The following COL21A1 variants were observed in gnomAD, a reference collection of about 807,000 sequenced individuals.
COL21A1 encodes collagen type XXI alpha 1 chain.
COL21A1 carries 149 observed loss-of-function variants against 137.9 expected under a neutral mutation model. That is an observed-to-expected ratio of 1.08 (90% CI 0.95 to 1.24). COL21A1 has a LOEUF of 1.24. Among genes scored for constraint, COL21A1 ranks in the 50% most tolerant of loss-of-function variants. The probability of loss-of-function intolerance (pLI) is 0.00; values close to 1 mark genes in which losing one functional copy is unlikely to be tolerated. For synonymous variants in COL21A1, 456 were observed against 391.5 expected (o/e 1.16, Z -1.95); for missense variants, 1,167 against 1,158.4 (o/e 1.01, Z -0.11).
intron 1 of COL21A1, among the ~76,000 whole-genome samples, chr6:56,329,316 A>G (rs1562059365): frequency 6.6e-6 from 1 of 151,948 alleles, no homozygotes. Flanking sequence ...TCCTTTTATC[A>G]CTGGTTCCCT....
intron 1 of COL21A1, among the ~76,000 whole-genome samples, chr6:56,283,223 A>G (rs1355795190): frequency 3.4e-5 from 5 of 145,892 alleles, no homozygotes; most frequent in African/African-American, 1.2e-4. Context: ...TCAGTGTAGC[A>G]TTATTTGTAA....
At chr6:56,125,445 C>T (rs540290763) in intron 14 of COL21A1, 122 bp downstream of exon 14, 4 of 557,736 alleles carry the variant, frequency 7.2e-6, no homozygotes, top group Non-Finnish European at 1.2e-5. Context: ...CTGAATTAAT[C>T]CCCTAAGAAG....
intron 1 of COL21A1, among the ~76,000 whole-genome samples, chr6:56,333,376 G>A (rs574417123): frequency 1.5e-4 from 20 of 137,884 alleles, no homozygotes; most frequent in African/African-American, 5.1e-4. Context: ...AATTTATACA[G>A]ATAAACTCAT....
At position 56,307,830 on chromosome 6, in the gene COL21A1, A is replaced by T. The variant is rs569029248; in HGVS notation, c.-39+86141T>A. On this transcript the variant is annotated intron_variant, in intron 1 of 28. Coordinates refer to the COL21A1 transcript ENST00000370819. The stretch of plus-strand genomic sequence containing the variant: ...CTGCGTCGCTCACCCTGGGAGCTGT[A>T]GACTGGAGCTGTTCCTATTCGGCCA... Among the ~76,000 whole-genome samples the T allele has an allele frequency of 1.3e-4, 20 of 152,290 alleles. No homozygotes were observed. The South Asian group carries it at 4.2e-3, about 32-fold the overall frequency.
intron 1 of COL21A1, among the ~76,000 whole-genome samples, chr6:56,371,452 C>T (rs2093988314): frequency 6.6e-6 from 1 of 152,168 alleles, no homozygotes; most frequent in Admixed American, 6.5e-5. Context: ...CCCAGCCCCA[C>T]CTCAGGGGCA....
intron 1 of COL21A1, among the ~76,000 whole-genome samples, chr6:56,186,810 T>G (rs987658005): frequency 3.9e-5 from 6 of 152,224 alleles, no homozygotes; most frequent in South Asian, 4.1e-4. Flanking sequence ...GAGATCCATA[T>G]TCAGAATTAA....
chr6:56,192,770 C>T (rs1256637125), intron 1 of COL21A1, among the ~76,000 whole-genome samples: 2 of 152,162 alleles, frequency 1.3e-5, no homozygotes, highest in Non-Finnish European at 2.9e-5. Flanking sequence ...TTGTGGAAGA[C>T]AGTGTGGTGA....
intron 1 of COL21A1, among the ~76,000 whole-genome samples, chr6:56,320,464 T>A (rs1484354408): frequency 6.6e-6 from 1 of 151,832 alleles, no homozygotes; most frequent in Non-Finnish European, 1.5e-5. Context: ...TCCTATCTTA[T>A]CCAGGGTCAA....
intron 24 of COL21A1, among the ~76,000 whole-genome samples, chr6:56,064,003 A>T (rs903798689): frequency 6.6e-6 from 1 of 152,100 alleles, no homozygotes; most frequent in Non-Finnish European, 1.5e-5. Context: ...GACTGAACTT[A>T]CAGTCACATG....
At chr6:56,345,550 C>G (rs1237820547) in intron 1 of COL21A1, among the ~76,000 whole-genome samples, 1 of 152,160 alleles carries the variant, frequency 6.6e-6, no homozygotes, top group African/African-American at 2.4e-5. Flanking sequence ...GAAACCAATG[C>G]TCTTCCCACT....
rs1313086403 is a variant in COL21A1, at chr6:56,098,642, TATATAA to T, written c.1812+2824_1812+2829del. The stretch of plus-strand genomic sequence containing the variant: ...ATATATATAAATATATATATAAATA[TATATAA>T]ATATATAAATATATATAAATATATA... On this transcript the variant is annotated intron_variant, in intron 17 of 29. Coordinates refer to ENST00000244728, the MANE Select transcript of COL21A1 (RefSeq NM_030820.4). 5.9e-4 allele frequency among the ~76,000 whole-genome samples: 33 copies of T among 56,306 alleles called. 5 individuals are homozygous for T. The highest frequency in any genetic ancestry group is 3.0e-3 in the African/African-American group (31 of 10,310). 36.9% of individuals were successfully genotyped at this position (56,306 alleles called of 152,430 possible). A position where few individuals can be genotyped will look rare whatever the true frequency, so the allele number is the denominator to read the frequency against.
At chr6:56,369,521 A>G (rs1375001332) in intron 1 of COL21A1, among the ~76,000 whole-genome samples, 2 of 152,154 alleles carry the variant, frequency 1.3e-5, no homozygotes, top group East Asian at 3.8e-4. Context: ...AAGAAAAAAA[A>G]CTGATGTATG....
chr6:56,247,311 C>T (rs1441282798), intron 1 of COL21A1, 76 bp downstream of exon 1: 1 of 152,490 alleles, frequency 6.6e-6, no homozygotes, highest in Non-Finnish European at 1.5e-5. Context: ...CAAATTGCAG[C>T]CCCTGGAGAG....
intron 3 of COL21A1, 64 bp from the exon 4 acceptor site, chr6:56,171,192 A>G: frequency 8.4e-7 from 1 of 1,190,162 alleles, no homozygotes; most frequent in African/African-American, 1.5e-5. Context: ...AAGAAAAATC[A>G]AGGGAGAAAT....
intron 1 of COL21A1, among the ~76,000 whole-genome samples, chr6:56,258,262 T>C (rs573237491): frequency 6.6e-6 from 1 of 152,270 alleles, no homozygotes; most frequent in East Asian, 1.9e-4. Context: ...CAGGAGTACA[T>C]ACTTCTTAAA....
chr6:56,060,011 T>C lies in COL21A1; in HGVS notation c.2608+7A>G, dbSNP rs1197335049. The C allele has an allele frequency of 3.1e-6, 5 of 1,587,504 alleles. No individual in the cohort carries two copies. The highest frequency in any genetic ancestry group is 4.3e-6 in the Non-Finnish European group (5 of 1,168,114). On this transcript the variant is annotated splice_region_variant and intron_variant, in intron 28 of 29. Transcript: ENST00000244728. ...AATTCATTTTCTTGTTGAAACTAAC[T>C]GCATACCTTTTAATCCTCTGACACC...
intron 1 of COL21A1, among the ~76,000 whole-genome samples, chr6:56,229,776 G>A (rs917682835): frequency 6.6e-6 from 1 of 151,830 alleles, no homozygotes; most frequent in Non-Finnish European, 1.5e-5. Flanking sequence ...TTGGCCATGA[G>A]TATCATGGGG....
chr6:56,057,920 C>A, intron 29 of COL21A1, 76 bp from the exon 30 acceptor site: 1 of 998,516 alleles, frequency 1.0e-6, no homozygotes, highest in Non-Finnish European at 1.4e-6. Context: ...CTGCAAGAAA[C>A]TTAAACTGAA....
At chr6:56,365,893 T>C (rs1766088408) in intron 1 of COL21A1, among the ~76,000 whole-genome samples, 1 of 152,186 alleles carries the variant, frequency 6.6e-6, no homozygotes, top group Admixed American at 6.5e-5. Context: ...CACCTCAGTA[T>C]ATGGAAGGAT....
Sources: gnomAD v4.1 joint callset for allele counts (sites outside exome capture counted in the v4.1 genomes callset) on GRCh38, gnomAD v4.1.1 for gene constraint, MANE v1.5 for transcripts, NCBI Gene and HGNC (gene_info 2026-07-23, HGNC 2026-07-21) for gene names.